The following TMEM114 variants were observed in gnomAD, a reference collection of about 807,000 sequenced individuals.
The protein encoded by TMEM114 is transmembrane protein 114.
Under a neutral mutation model 6.2 loss-of-function variants are expected in TMEM114, and 6 were observed. That is an observed-to-expected ratio of 0.97 (90% confidence interval 0.53 to 1.91). The LOEUF is 1.91. Ranked by LOEUF, TMEM114 falls within the 40% of genes most tolerant of loss-of-function variation. The pLI, the probability that TMEM114 is intolerant of heterozygous loss-of-function variation, is 0.01. For synonymous variants in TMEM114, 104 were observed against 73.0 expected, an observed-to-expected ratio of 1.42 and a Z score of -2.16; for missense variants, 218 against 158.3, an observed-to-expected ratio of 1.38 and a Z score of -2.02.
the TMEM114 span, among the ~76,000 whole-genome samples, chr16:8,529,305 C>G: frequency 6.6e-5 from 10 of 152,292 alleles, no homozygotes; most frequent in East Asian, 1.9e-3. Context: ...ATGGTTCTGA[C>G]CAGGACTCCC....
Position 8,572,804 on chromosome 16 carries a change from A to G in TMEM114, c.302-580T>C, listed in dbSNP as rs575159322. 2.0e-5 allele frequency among the ~76,000 whole-genome samples: 3 copies of G among 152,264 alleles called. No individual in the cohort carries two copies. The South Asian group carries it at 6.2e-4, about 32-fold the overall frequency. Reference sequence around the variant, plus strand: ...ACACGCATCATTAATTATTCATTACAAGAGCCAGGGTGTTAGGAAGAACTT... The same window carrying G: ...ACACGCATCATTAATTATTCATTACGAGAGCCAGGGTGTTAGGAAGAACTT... On this transcript the variant is annotated intron_variant, in intron 2 of 3. Coordinates refer to ENST00000620492, the MANE Select transcript of TMEM114 (RefSeq NM_001146336.2).
At chr16:8,564,118 T>G (rs1435924557) in intron 2 of TMEM114, among the ~76,000 whole-genome samples, 2 of 151,196 alleles carry the variant, frequency 1.3e-5, no homozygotes, top group Non-Finnish European at 2.9e-5. Context: ...AATAAGTAAG[T>G]GAATGAGTGA....
intron 2 of TMEM114, among the ~76,000 whole-genome samples, chr16:8,576,717 AGG>A (rs1901943474): frequency 1.1e-4 from 7 of 64,228 alleles, no homozygotes; most frequent in African/African-American, 5.6e-4. Context: ...GAAGGAAGGA[AGG>A]AAGGAAGGAA....
At chr16:8,565,351 G>C (rs1203619592), downstream of TMEM114, among the ~76,000 whole-genome samples, 1 of 152,182 alleles carries the variant, frequency 6.6e-6, no homozygotes, top group African/African-American at 2.4e-5. Flanking sequence ...TGGGTGGCAA[G>C]TGAATAAATG....
intron 2 of TMEM114, among the ~76,000 whole-genome samples, chr16:8,543,454 ATG>A (rs908477360): frequency 6.8e-5 from 5 of 73,884 alleles, no homozygotes; most frequent in African/African-American, 2.6e-4. Context: ...GCGTCATGCA[ATG>A]GTGCACCTTG....
chr16:8,543,159 C>G (rs1410045568), intron 2 of TMEM114, among the ~76,000 whole-genome samples: 1 of 152,160 alleles, frequency 6.6e-6, no homozygotes, highest in African/African-American at 2.4e-5. Context: ...AGCAAAGAAA[C>G]TTAGGATCAG....
chr16:8,571,954 C>A lies in TMEM114; in HGVS notation c.439+133G>T, dbSNP rs113201328. 4.8e-5 allele frequency: 56 copies of A among 1,169,150 alleles called. No homozygotes were observed. In the Middle Eastern group the frequency reaches 9.1e-4, roughly 19 times the overall value. 72.4% of individuals were successfully genotyped at this position (1,169,150 alleles called of 1,614,324 possible). A position where few individuals can be genotyped will look rare whatever the true frequency, so the allele number is the denominator to read the frequency against. ...GCTGGAAACCACTCATCTCTTCCAA[C>A]TGATATCCCAGAAGGGGAAACTGAA... On this transcript the variant is annotated intron_variant, in intron 3 of 3. Transcript: ENST00000620492.
downstream of TMEM114, among the ~76,000 whole-genome samples, chr16:8,566,077 C>T (rs1268758783): frequency 2.6e-5 from 4 of 152,124 alleles, no homozygotes; most frequent in African/African-American, 9.6e-5. Flanking sequence ...CAGATCGAAA[C>T]AGAATGGATC....
chr16:8,551,349 G>T (rs1017996007), intron 2 of TMEM114, among the ~76,000 whole-genome samples: 2 of 152,150 alleles, frequency 1.3e-5, no homozygotes, highest in African/African-American at 4.8e-5. Flanking sequence ...CCAAGCTCCA[G>T]CCCCTAGTAA....
intron 2 of TMEM114, among the ~76,000 whole-genome samples, chr16:8,560,947 G>A (rs1449014855): frequency 6.6e-6 from 1 of 152,180 alleles, no homozygotes; most frequent in Non-Finnish European, 1.5e-5. Flanking sequence ...ATGGCAGAAG[G>A]CAAAAGACAC....
chr16:8,538,378 G>A (rs150772652), intron 2 of TMEM114, among the ~76,000 whole-genome samples: 2 of 152,196 alleles, frequency 1.3e-5, no homozygotes, highest in Non-Finnish European at 2.9e-5. Context: ...TAAGCCAGTG[G>A]GCAGATAGAG....
intron 2 of TMEM114, among the ~76,000 whole-genome samples, chr16:8,547,869 C>G (rs71377175): frequency 6.6e-6 from 1 of 152,138 alleles, no homozygotes; most frequent in African/African-American, 2.4e-5. Flanking sequence ...TGAGAAACCC[C>G]TCTTACTTGC....
At chr16:8,583,444 C>T (rs1185152016) in intron 2 of TMEM114, among the ~76,000 whole-genome samples, 1 of 152,058 alleles carries the variant, frequency 6.6e-6, no homozygotes, top group Non-Finnish European at 1.5e-5. Flanking sequence ...GCAGGTGACT[C>T]ATCAGAAGTC....
chr16:8,589,556 G>GCT (rs1364170927), intron 1 of TMEM114, 63 bp downstream of exon 1: 4 of 398,356 alleles, frequency 1.0e-5, no homozygotes, highest in African/African-American at 6.2e-5. Context: ...GGTCCCAAGG[G>GCT]AGCAGGGCAC....
rs185982114 is a variant in TMEM114 at position 8,569,656 on chromosome 16, G to T, written c.*117C>A. On this transcript the variant is annotated 3_prime_UTR_variant, in exon 4 of 4. Coordinates refer to ENST00000620492, the MANE Select transcript of TMEM114 (RefSeq NM_001146336.2). Reference sequence around the variant, plus strand: ...GCGGGGATTTGTGGGGGAAGGAGGGGGGTGCCTGGCCTCCCCGAGTGGCCT... The same window carrying T: ...GCGGGGATTTGTGGGGGAAGGAGGGTGGTGCCTGGCCTCCCCGAGTGGCCT... The T allele has an allele frequency of 4.3e-5, 62 of 1,441,740 alleles. 1 individual carries two copies. In the East Asian group the frequency reaches 7.0e-4, roughly 16 times the overall value. The allele number at this position is 1,441,740 out of a possible 1,614,324, so 89.3% of individuals were successfully genotyped here.
the TMEM114 span, among the ~76,000 whole-genome samples, chr16:8,527,111 G>A: frequency 6.6e-6 from 1 of 152,204 alleles, no homozygotes; most frequent in Non-Finnish European, 1.5e-5. Context: ...GGAGGCTGAG[G>A]CAGGAGAATT....
At chr16:8,545,306 C>T (rs1042508596) in intron 2 of TMEM114, among the ~76,000 whole-genome samples, 1 of 152,256 alleles carries the variant, frequency 6.6e-6, no homozygotes, top group Non-Finnish European at 1.5e-5. Flanking sequence ...CACAGTGGCA[C>T]ATGCCTGCAG....
intron 2 of TMEM114, among the ~76,000 whole-genome samples, chr16:8,574,140 C>T (rs1006333547): frequency 5.9e-5 from 9 of 152,054 alleles, no homozygotes; most frequent in African/African-American, 1.2e-4. Flanking sequence ...ACGTCAGAGC[C>T]GGATTATTTG....
downstream of TMEM114, chr16:8,569,378 C>G (rs149048672): frequency 2.2e-6 from 2 of 920,202 alleles, no homozygotes; most frequent in East Asian, 9.0e-5. Flanking sequence ...ATTACAGGGC[C>G]CAGGAGGTAG....
Sources: allele counts gnomAD v4.1 joint callset (sites outside exome capture counted in the v4.1 genomes callset), GRCh38; gene constraint gnomAD v4.1.1; transcripts MANE v1.5; gene names NCBI Gene and HGNC (gene_info 2026-07-23, HGNC 2026-07-21).